The following SYT14 variants were observed in gnomAD, a reference collection of about 807,000 sequenced individuals.
SYT14 encodes the protein synaptotagmin-14.
In SYT14, 32 loss-of-function variants were observed where a neutral mutation model predicts 74.2. The observed-to-expected ratio is 0.43, with a 90% CI of 0.33 to 0.58. SYT14 has a LOEUF of 0.58. Among genes scored for constraint, SYT14 ranks in the 20% least tolerant of loss-of-function variants. The probability of loss-of-function intolerance (pLI) is 0.05; values close to 1 mark genes in which losing one functional copy is unlikely to be tolerated. For missense variants in SYT14, 791 were observed against 981.8 expected, an observed-to-expected ratio of 0.81 and a Z score of 2.60; for synonymous variants, 298 against 337.7, an observed-to-expected ratio of 0.88 and a Z score of 1.29.
intron 7 of SYT14, among the ~76,000 whole-genome samples, chr1:210,137,898 C>T (rs1041801245): frequency 9.9e-5 from 15 of 152,074 alleles, no homozygotes; most frequent in African/African-American, 3.6e-4. Flanking sequence ...TCAAGCTGGT[C>T]TCAAACTCCT....
intron 5 of SYT14, among the ~76,000 whole-genome samples, chr1:210,043,678 T>G (rs1268390359): frequency 6.6e-6 from 1 of 152,140 alleles, no homozygotes; most frequent in Non-Finnish European, 1.5e-5. Context: ...GCAACAAACA[T>G]AGTATGAGAA....
At chr1:210,036,139 T>C (rs149872403) in intron 5 of SYT14, among the ~76,000 whole-genome samples, 2,086 of 152,118 alleles carry the variant, frequency 0.014, 16 homozygotes, top group South Asian at 0.022. Flanking sequence ...TTGAATGTAG[T>C]ACTAGGTGTT....
At chr1:210,125,118 A>G (rs1053571219) in intron 7 of SYT14, among the ~76,000 whole-genome samples, 25 of 151,732 alleles carry the variant, frequency 1.6e-4, no homozygotes, top group African/African-American at 6.0e-4. Flanking sequence ...TTACAAGGAT[A>G]TACTGCATAA....
At chr1:210,012,471 A>G (rs1311647260) in intron 2 of SYT14, among the ~76,000 whole-genome samples, 1 of 152,202 alleles carries the variant, frequency 6.6e-6, no homozygotes, top group Non-Finnish European at 1.5e-5. Flanking sequence ...ATCAATAAAA[A>G]CAAGGAGTGT....
intron 2 of SYT14, among the ~76,000 whole-genome samples, chr1:209,976,454 G>A (rs912030341): frequency 8.6e-5 from 13 of 151,940 alleles, no homozygotes; most frequent in Admixed American, 6.6e-4. Context: ...CCTTCATTTC[G>A]TTATGTACCC....
At chr1:210,168,395 C>T (rs919236191) in exon 10 of SYT14, 6 of 152,052 alleles carry the variant, frequency 3.9e-5, no homozygotes, top group African/African-American at 7.2e-5. Context: ...CCAGTTTGTA[C>T]TGTTAGACAT....
intron 5 of SYT14, among the ~76,000 whole-genome samples, chr1:210,072,134 T>TAG (rs1553274495): frequency 1.5e-4 from 17 of 112,118 alleles, no homozygotes; most frequent in Admixed American, 1.2e-3. Flanking sequence ...TAATTAAAGA[T>TAG]ATATATATAT....
chr1:209,990,527 A>ATATATATATACGTATATATACG (rs2079646933), intron 2 of SYT14, among the ~76,000 whole-genome samples: 23 of 12,806 alleles, frequency 1.8e-3, no homozygotes, highest in East Asian at 0.016. Context: ...TATTTCACAT[A>ATATATATATACGTATATATACG]TATATATATA....
At chr1:210,016,208 A>G in exon 4 of SYT14, 4 of 1,232,150 alleles carry the variant, frequency 3.2e-6, no homozygotes, top group Non-Finnish European at 4.0e-6. Context: ...AGCTGTAGAC[A>G]CTTCTAAACA....
chr1:210,095,149 A>G (rs1048730959), intron 6 of SYT14, among the ~76,000 whole-genome samples: 1 of 152,210 alleles, frequency 6.6e-6, no homozygotes, highest in East Asian at 1.9e-4. Context: ...AACAAAAATA[A>G]TTTTGTGGCA....
At chr1:210,155,432 AAC>A (rs1480736577) in intron 7 of SYT14, among the ~76,000 whole-genome samples, 1 of 152,232 alleles carries the variant, frequency 6.6e-6, no homozygotes, top group African/African-American at 2.4e-5. Context: ...ATATTCAAAA[AAC>A]AGTTTATTAG....
chr1:210,153,000 G>A (rs1345023859), intron 7 of SYT14, among the ~76,000 whole-genome samples: 8 of 152,050 alleles, frequency 5.3e-5, no homozygotes, highest in Non-Finnish European at 2.9e-5. Flanking sequence ...TGTATAGTAT[G>A]CCATTGTATG....
At chr1:209,963,411 A>G (rs906382254) in intron 2 of SYT14, among the ~76,000 whole-genome samples, 5 of 152,156 alleles carry the variant, frequency 3.3e-5, no homozygotes, top group African/African-American at 4.8e-5. Context: ...GGTAGGGAAG[A>G]GGGAAATTTT....
chr1:209,961,157 C>T (rs947744870), intron 2 of SYT14, among the ~76,000 whole-genome samples: 8 of 152,050 alleles, frequency 5.3e-5, no homozygotes, highest in South Asian at 4.2e-4. Flanking sequence ...TCAAGTGCAT[C>T]GTGGGCTCTT....
At chr1:209,938,397 G>C in intron 1 of SYT14, 120 bp downstream of exon 1, 2 of 996,702 alleles carry the variant, frequency 2.0e-6, no homozygotes, top group African/African-American at 1.7e-5. Context: ...GGAGCCGGCT[G>C]AAGACGCGCG....
At chr1:209,993,251 C>T (rs1289426893) in intron 2 of SYT14, among the ~76,000 whole-genome samples, 1 of 152,208 alleles carries the variant, frequency 6.6e-6, no homozygotes. Flanking sequence ...AACAGGGGCA[C>T]ATCTGTTGTG....
chr1:210,093,777 A>G (rs919573692), intron 5 of SYT14, among the ~76,000 whole-genome samples: 1 of 152,214 alleles, frequency 6.6e-6, no homozygotes, highest in East Asian at 1.9e-4. Flanking sequence ...AGTGCACCTC[A>G]TTCTAGGATT....
At chr1:210,103,139 A>G (rs1197138153) in intron 7 of SYT14, among the ~76,000 whole-genome samples, 3 of 152,196 alleles carry the variant, frequency 2.0e-5, no homozygotes, top group Non-Finnish European at 4.4e-5. Context: ...AATTTTGCAT[A>G]TAAAATTTAG....
intron 5 of SYT14, among the ~76,000 whole-genome samples, chr1:210,058,078 G>A (rs1348025530): frequency 6.6e-6 from 1 of 152,160 alleles, no homozygotes; most frequent in Non-Finnish European, 1.5e-5. Context: ...CTTTTCTTGA[G>A]GGTTTTGTTA....
Sources: allele counts gnomAD v4.1 joint callset (sites outside exome capture counted in the v4.1 genomes callset), GRCh38; gene constraint gnomAD v4.1.1; transcripts MANE v1.5; gene names NCBI Gene and HGNC (gene_info 2026-07-23, HGNC 2026-07-21).